Variants in CNTNAP5 observed in about 807,000 individuals in gnomAD.
The protein encoded by CNTNAP5 is contactin associated protein family member 5, also known as contactin-associated protein-like 5.
A neutral mutation model predicts 150.2 loss-of-function variants in CNTNAP5; 72 were observed. That is an observed-to-expected ratio of 0.48 (90% CI 0.40 to 0.58). The LOEUF (loss-of-function observed/expected upper bound fraction) is 0.58, where lower values mean the gene tolerates loss of function less well. Among genes scored for constraint, CNTNAP5 ranks in the 20% least tolerant of loss-of-function variants. The pLI, the probability that CNTNAP5 is intolerant of heterozygous loss-of-function variation, is 0.00. For synonymous variants in CNTNAP5, 672 were observed against 619.8 expected (o/e 1.08, Z -1.25); for missense variants, 1,636 against 1,626.2 (o/e 1.01, Z -0.10).
chr2:124,773,517 G>T (rs1681251439), intron 17 of CNTNAP5, among the ~76,000 whole-genome samples: 1 of 152,108 alleles, frequency 6.6e-6, no homozygotes, highest in South Asian at 2.1e-4. Context: ...AAATCAGGGG[G>T]CTCTTTGATA....
In CNTNAP5 at chr2:124,920,276, A is replaced by G. The variant is rs907155576; in HGVS notation, c.*5988A>G. Among the ~76,000 whole-genome samples, 2 of 152,146 alleles carry G rather than the reference A, an allele frequency of 1.3e-5. No individual in the cohort carries two copies. The highest frequency in any genetic ancestry group is 4.8e-5 in the African/African-American group (2 of 41,444). On this transcript the variant is annotated 3_prime_UTR_variant, in exon 24 of 24. Coordinates refer to ENST00000682447, the MANE Select transcript of CNTNAP5 (RefSeq NM_001367498.1). Reference sequence around the variant, plus strand: ...AGAGAACGTGAACAAAGTGCTGGATATGAAACAGGAATAATGCATTCCTCT... The same window carrying G: ...AGAGAACGTGAACAAAGTGCTGGATGTGAAACAGGAATAATGCATTCCTCT...
intron 17 of CNTNAP5, among the ~76,000 whole-genome samples, chr2:124,784,067 A>G (rs1209802942): frequency 6.6e-6 from 1 of 152,140 alleles, no homozygotes; most frequent in Non-Finnish European, 1.5e-5. Flanking sequence ...AAAGTCTGCC[A>G]CTTTTTGAAA....
At chr2:124,579,641 A>C (rs1343001361) in intron 11 of CNTNAP5, among the ~76,000 whole-genome samples, 1 of 152,220 alleles carries the variant, frequency 6.6e-6, no homozygotes, top group Admixed American at 6.5e-5. Context: ...AAAAGTTTTA[A>C]ATGTTTGCAT....
At chr2:124,291,531 G>A (rs952482110) in intron 3 of CNTNAP5, among the ~76,000 whole-genome samples, 2 of 151,380 alleles carry the variant, frequency 1.3e-5, no homozygotes, top group African/African-American at 4.9e-5. Flanking sequence ...CACATTTTAA[G>A]ATATTTTCTT....
intron 19 of CNTNAP5, among the ~76,000 whole-genome samples, chr2:124,834,991 T>C (rs1207034023): frequency 2.0e-5 from 3 of 151,534 alleles, no homozygotes; most frequent in Non-Finnish European, 4.4e-5. Context: ...TAAATAATAA[T>C]ATATATTTTG....
rs540758918 is a variant in CNTNAP5 at position 124,788,339 on chromosome 2, T to C, written c.2753-1563T>C. On this transcript the variant is annotated intron_variant, in intron 17 of 23. Coordinates refer to ENST00000682447, the MANE Select transcript of CNTNAP5 (RefSeq NM_001367498.1). The stretch of plus-strand genomic sequence containing the variant: ...TAATTTTCAAGAAACATATAAAATC[T>C]CTCTGAAATCTTCAAGATATATCCT... 9.2e-5 allele frequency among the ~76,000 whole-genome samples: 14 copies of C among 152,312 alleles called. No homozygotes were observed. In the East Asian group the frequency reaches 1.4e-3, roughly 15 times the overall value.
At chr2:124,664,325 G>GAAAAAAAAAAAAAAAA (rs34108388) in intron 13 of CNTNAP5, among the ~76,000 whole-genome samples, 1 of 106,188 alleles carries the variant, frequency 9.4e-6, no homozygotes, top group African/African-American at 3.5e-5. Flanking sequence ...CCTGTCTCAA[G>GAAAAAAAAAAAAAAAA]AAAAAAAAAA....
intron 8 of CNTNAP5, among the ~76,000 whole-genome samples, chr2:124,510,514 T>TATAC (rs1553474738): frequency 1.6e-5 from 2 of 123,682 alleles, no homozygotes; most frequent in Non-Finnish European, 3.2e-5. Flanking sequence ...TATATATATA[T>TATAC]ATATACATAT....
At chr2:124,694,994 TTGTGTGTGTGTG>T (rs138349590) in intron 13 of CNTNAP5, among the ~76,000 whole-genome samples, 31,163 of 150,266 alleles carry the variant, frequency 0.21, 3,772 homozygotes, top group Non-Finnish European at 0.28. Context: ...ATTTCCTAAA[TTGTGTGTGTGTG>T]TGTGTGTGTG....
At chr2:124,082,021 T>C (rs73954526) in intron 1 of CNTNAP5, among the ~76,000 whole-genome samples, 14,526 of 152,156 alleles carry the variant, frequency 0.095, 745 homozygotes, top group Non-Finnish European at 0.12. Context: ...TTCTACATCC[T>C]GTAATTTTTG....
chr2:124,642,525 T>G (rs1678114619), intron 12 of CNTNAP5, among the ~76,000 whole-genome samples: 1 of 152,210 alleles, frequency 6.6e-6, no homozygotes. Context: ...AAGACCACTC[T>G]TGACCTTGGA....
In CNTNAP5 at chr2:124,809,898, C is replaced by T. The variant is rs202051347; in HGVS notation, c.3217+11578C>T. ...CTTACCCAGCACAGTGCATAGAAAA[C>T]GGCACACACAAAGGCAAAGGCAAAA... On this transcript the variant is annotated intron_variant, in intron 19 of 23. Transcript: ENST00000682447. Among the ~76,000 whole-genome samples, 109 of 152,160 alleles carry T rather than the reference C, an allele frequency of 7.2e-4. 1 individual carries two copies. Among genetic ancestry groups the T allele is most frequent in the African/African-American group, 2.5e-3 (102 of 41,510 alleles).
At chr2:124,406,075 G>C (rs1691562864) in intron 3 of CNTNAP5, among the ~76,000 whole-genome samples, 1 of 152,120 alleles carries the variant, frequency 6.6e-6, no homozygotes, top group South Asian at 2.1e-4. Flanking sequence ...TTTCCGTTTA[G>C]ATTTCTTCTT....
chr2:124,292,165 G>A (rs539596038), intron 3 of CNTNAP5, among the ~76,000 whole-genome samples: 1 of 152,102 alleles, frequency 6.6e-6, no homozygotes, highest in Admixed American at 6.5e-5. Context: ...TTCCTTTAGG[G>A]TGCTTTATTT....
At chr2:124,777,475 C>T (rs558433109) in intron 17 of CNTNAP5, among the ~76,000 whole-genome samples, 6 of 152,114 alleles carry the variant, frequency 3.9e-5, no homozygotes, top group East Asian at 1.9e-4. Context: ...CCCTGCTTCC[C>T]GGGTACAAGC....
chr2:124,339,546 G>A (rs1031068915), intron 3 of CNTNAP5, among the ~76,000 whole-genome samples: 1 of 152,134 alleles, frequency 6.6e-6, no homozygotes, highest in Admixed American at 6.6e-5. Flanking sequence ...TGAGTTTGCA[G>A]GAGGAAATAG....
rs1306586244 is a variant in CNTNAP5, at chr2:124,747,404, T to C, written c.2234+19T>C. 6.2e-7 allele frequency: 1 copy of C among 1,613,386 alleles called. No homozygotes were observed. Among genetic ancestry groups the C allele is most frequent in the Non-Finnish European group, 8.5e-7 (1 of 1,179,420 alleles). ...ATGAATGGTAATGAGAATCTCCATC[T>C]TTCTGCAATTGTAGAGAAAGCACAT... On this transcript the variant is annotated intron_variant, in intron 14 of 23. Transcript: ENST00000682447.
chr2:124,083,877 CAATT>C (rs1358380541), intron 1 of CNTNAP5, among the ~76,000 whole-genome samples: 5 of 151,484 alleles, frequency 3.3e-5, no homozygotes, highest in African/African-American at 7.3e-5. Flanking sequence ...AGTAATATAA[CAATT>C]AATTACAGTT....
At position 124,417,545 on chromosome 2, in the gene CNTNAP5, A is replaced by T; in HGVS notation, c.484A>T (p.Ser162Cys). Residue 162 changes from serine to cysteine, a missense_variant, in exon 4 of 24, where the codon AGT becomes TGT. Coordinates refer to ENST00000682447, the MANE Select transcript of CNTNAP5 (RefSeq NM_001367498.1). Reference protein sequence around the residue: ...VRFVPLEWNPSGKIGMRVEVY... With the variant: ...VRFVPLEWNPCGKIGMRVEVY... ...CTTTGTGCCCCTGGAATGGAATCCC[A>T]GTGGGAAGATTGGCATGAGAGTCGA... 1 of 1,613,802 alleles carries T rather than the reference A, an allele frequency of 6.2e-7. No individual in the cohort carries two copies.
Sources: gnomAD v4.1 joint callset for allele counts (sites outside exome capture counted in the v4.1 genomes callset) on GRCh38, gnomAD v4.1.1 for gene constraint, MANE v1.5 for transcripts, NCBI Gene and HGNC (gene_info 2026-07-23, HGNC 2026-07-21) for gene names.